Variants in KIF5A observed in about 807,000 individuals in gnomAD.
The protein encoded by KIF5A is kinesin heavy chain isoform 5A.
Under a neutral mutation model 141.3 loss-of-function variants are expected in KIF5A, and 35 were observed. That is an observed-to-expected ratio of 0.25 (90% CI 0.19 to 0.33). The LOEUF is 0.33. Among genes scored for constraint, KIF5A ranks in the 10% least tolerant of loss-of-function variants. The pLI is 1.00. For missense variants in KIF5A, 861 were observed against 1,314.3 expected (o/e 0.66, Z 5.33); for synonymous variants, 448 against 500.2 (o/e 0.90, Z 1.39).
intron 28 of KIF5A, 46 bp downstream of exon 28, chr12:57,583,261 T>G: frequency 2.7e-6 from 3 of 1,123,502 alleles, no homozygotes; most frequent in Non-Finnish European, 4.0e-6. Flanking sequence ...TTGCTTCCCT[T>G]CTTGCTGACA....
At chr12:57,582,696 G>C in intron 27 of KIF5A, 67 bp downstream of exon 27, 1 of 1,349,492 alleles carries the variant, frequency 7.4e-7, no homozygotes, top group Admixed American at 1.7e-5. Context: ...AATTTCCCTT[G>C]TGCCCCACTT....
intron 15 of KIF5A, among the ~76,000 whole-genome samples, chr12:57,574,228 T>C (rs866226552): frequency 1.4e-4 from 21 of 151,902 alleles, no homozygotes; most frequent in Non-Finnish European, 1.9e-4. Context: ...AAGAAAATCA[T>C]GTTGCTTTAT....
In KIF5A at chr12:57,567,204, G is replaced by A; in HGVS notation, c.580G>A (p.Ala194Thr). Reference protein sequence around the residue: ...IDEGKSNRHVAVTNMNEHSSR... With the variant: ...IDEGKSNRHVTVTNMNEHSSR... ...TGAAGGGAAATCAAATCGTCATGTGGCTGTCACCAGTGAGTGAGGATACAA... is the reference window on the plus strand; with the variant it reads ...TGAAGGGAAATCAAATCGTCATGTGACTGTCACCAGTGAGTGAGGATACAA... The change falls in exon 7 of 29, where the codon GCT becomes ACT. Residue 194 changes from alanine to threonine, a missense_variant. Coordinates refer to ENST00000455537, the MANE Select transcript of KIF5A (RefSeq NM_004984.4). 4 of 1,611,442 alleles carry A rather than the reference G, an allele frequency of 2.5e-6. No individual in the cohort carries two copies. Among genetic ancestry groups the A allele is most frequent in the Admixed American group, 1.7e-5 (1 of 59,974 alleles).
chr12:57,582,011 TAAA>T, intron 26 of KIF5A, 59 bp downstream of exon 26: 1 of 1,344,928 alleles, frequency 7.4e-7, no homozygotes, highest in Non-Finnish European at 1.1e-6. Context: ...TTGAGAGGCA[TAAA>T]AGTAAGTGAC....
chr12:57,583,611 T>C (rs1882673269), intron 28 of KIF5A, among the ~76,000 whole-genome samples: 1 of 152,216 alleles, frequency 6.6e-6, no homozygotes, highest in Non-Finnish European at 1.5e-5. Flanking sequence ...TGAAATAATT[T>C]TGGATGGATA....
intron 16 of KIF5A, 27 bp from the exon 17 acceptor site, chr12:57,575,613 T>TTC: frequency 1.3e-6 from 2 of 1,588,684 alleles, no homozygotes; most frequent in Non-Finnish European, 1.7e-6. Context: ...CTCCATCTTC[T>TTC]TCCTCTCACC....
intron 23 of KIF5A, 132 bp downstream of exon 23, chr12:57,578,474 C>T (rs925834883): frequency 9.9e-6 from 7 of 705,074 alleles, no homozygotes; most frequent in Admixed American, 4.1e-5. Flanking sequence ...ACTTTCCCTA[C>T]TAATCCCTTC....
intron 1 of KIF5A, 68 bp from the exon 2 acceptor site, chr12:57,563,371 A>G: frequency 8.9e-7 from 1 of 1,120,160 alleles, no homozygotes; most frequent in East Asian, 2.4e-5. Flanking sequence ...TGCTGGAAGG[A>G]GGTTGTGGTA....
chr12:57,570,091 C>A lies in KIF5A; in HGVS notation c.1222C>A (p.Arg408Ser), dbSNP rs767181570. Residue 408 changes from arginine to serine, a missense_variant, in exon 12 of 29, where the codon CGC becomes AGC. Physicochemically the swap from Arg to Ser is moderately radical, Grantham distance 110 (BLOSUM62 -1). Around this residue, in one of 5 missense-constraint regions of KIF5A, gnomAD observed 167 missense variants for 192.0 expected, o/e 0.87. Transcript: ENST00000455537. ...GAATGACAACTCATCCATCGTGGTG[C>A]GCATCGCGCCCGAGGAGCGGCAGAA... ...PVNDNSSIVV[R>S]IAPEERQKYE... The A allele has an allele frequency of 6.2e-7, 1 of 1,614,144 alleles. No individual in the cohort carries two copies. The highest frequency in any genetic ancestry group is 1.1e-5 in the South Asian group (1 of 91,076).
intron 23 of KIF5A, 124 bp from the exon 24 acceptor site, chr12:57,580,832 A>T (rs1882572120): frequency 2.4e-6 from 2 of 839,752 alleles, no homozygotes; most frequent in Admixed American, 4.0e-5. Context: ...CATGGTCTCC[A>T]TCTTCTCTGA....
intron 1 of KIF5A, among the ~76,000 whole-genome samples, chr12:57,557,547 A>AT (rs778612218): frequency 6.6e-6 from 1 of 151,938 alleles, no homozygotes; most frequent in Non-Finnish European, 1.5e-5. Flanking sequence ...AATTTGATGT[A>AT]TTTTTCCAGT....
chr12:57,567,417 G>A, intron 7 of KIF5A, 77 bp from the exon 8 acceptor site: 1 of 1,583,434 alleles, frequency 6.3e-7, no homozygotes, highest in Non-Finnish European at 8.6e-7. Context: ...GGCGGGGCTG[G>A]GGTCAGTGGA....
In KIF5A at chr12:57,567,402, G is replaced by A. The variant is rs1174706519; in HGVS notation, c.590-92G>A. The stretch of plus-strand genomic sequence containing the variant: ...TAGTCCTGGTGGGCACCTTCTCTCT[G>A]GGTGGGCGGGGCTGGGGTCAGTGGA... On this transcript the variant is annotated intron_variant, in intron 7 of 28. Transcript: ENST00000455537. The A allele has an allele frequency of 9.1e-5, 140 of 1,534,186 alleles. 1 individual carries two copies. In the South Asian group the frequency reaches 1.6e-3, roughly 17 times the overall value.
intron 20 of KIF5A, among the ~76,000 whole-genome samples, chr12:57,577,512 C>G (rs1882463957): frequency 2.0e-5 from 3 of 152,090 alleles, no homozygotes; most frequent in South Asian, 4.2e-4. Context: ...GGAAGGATCC[C>G]TTGAGCCCAG....
At chr12:57,564,827 G>A (rs2140159596) in intron 5 of KIF5A, 91 bp from the exon 6 acceptor site, 1 of 1,242,992 alleles carries the variant, frequency 8.0e-7, no homozygotes, top group East Asian at 2.4e-5. Context: ...CTTTAGCACA[G>A]AGAAGAAAAC....
At chr12:57,576,006 G>T in intron 17 of KIF5A, 81 bp from the exon 18 acceptor site, 1 of 1,374,344 alleles carries the variant, frequency 7.3e-7, no homozygotes, top group Non-Finnish European at 1.0e-6. Flanking sequence ...TCCCAGCCCT[G>T]CCTGGAGTTC....
chr12:57,557,273 G>A (rs575416685), intron 1 of KIF5A, among the ~76,000 whole-genome samples: 4 of 151,936 alleles, frequency 2.6e-5, no homozygotes, highest in Admixed American at 2.6e-4. Flanking sequence ...AAAAAGATGA[G>A]AGGCATTGGC....
In KIF5A at chr12:57,575,102, G is replaced by A. The variant is rs760135493; in HGVS notation, c.1735G>A (p.Ala579Thr). The change falls in exon 16 of 29, where the codon GCC (alanine) becomes ACC (threonine). Residue 579 changes from alanine (A) to threonine (T), a missense_variant. Around this residue, in one of 5 missense-constraint regions of KIF5A, gnomAD observed 482 missense variants for 661.3 expected, o/e 0.73. Coordinates refer to ENST00000455537, the MANE Select transcript of KIF5A (RefSeq NM_004984.4). ...EIKLPVEISGAIEEEFTVARL... is the reference protein window; with the variant it reads ...EIKLPVEISGTIEEEFTVARL... ...ACCTTAGCCAGTGGAGATCAGTGGG[G>A]CCATCGAGGAGGAGTTCACTGTGGC... 7.4e-6 allele frequency: 12 copies of A among 1,613,964 alleles called. No individual in the cohort carries two copies. The highest frequency in any genetic ancestry group is 1.1e-5 in the South Asian group (1 of 91,088).
chr12:57,583,233 C>T lies in KIF5A; in HGVS notation c.*36+18C>T. The T allele has an allele frequency of 6.7e-7, 1 of 1,486,028 alleles. No homozygotes were observed. The highest frequency in any genetic ancestry group is 9.3e-7 in the Non-Finnish European group (1 of 1,072,682). The allele number at this position is 1,486,028 out of a possible 1,614,324, so 92.1% of individuals were successfully genotyped here. A position where few individuals can be genotyped will look rare whatever the true frequency, so the allele number is the denominator to read the frequency against. ...ACTTTCAGGTAGCGTCAGGCTGCTTCCTCGGACCAGCCTCAGGTTGCTTCC... is the reference window on the plus strand; with the variant it reads ...ACTTTCAGGTAGCGTCAGGCTGCTTTCTCGGACCAGCCTCAGGTTGCTTCC... On this transcript the variant is annotated intron_variant, in intron 28 of 28. Transcript: ENST00000455537.
Sources: gnomAD v4.1 joint callset for allele counts (sites outside exome capture counted in the v4.1 genomes callset) on GRCh38, gnomAD v4.1.1 for gene constraint, gnomAD v4.1.1 regional missense constraint, MANE v1.5 for transcripts, NCBI Gene and HGNC (gene_info 2026-07-23, HGNC 2026-07-21) for gene names.